The following RAD51B variants were observed in gnomAD, a reference collection of about 807,000 sequenced individuals.
RAD51B encodes the protein DNA repair protein RAD51 homolog 2.
RAD51B carries 38 observed loss-of-function variants against 42.2 expected under a neutral mutation model. That is an observed-to-expected ratio of 0.90 (90% confidence interval 0.70 to 1.18). RAD51B has a LOEUF of 1.18. Ranked by LOEUF, RAD51B falls within the 50% of genes most tolerant of loss-of-function variation. The pLI is 0.00. For missense variants in RAD51B, 373 were observed against 400.7 expected, an observed-to-expected ratio of 0.93 and a Z score of 0.59; for synonymous variants, 154 against 145.2, an observed-to-expected ratio of 1.06 and a Z score of -0.43.
At chr14:68,461,744 G>A (rs910840498) in intron 9 of RAD51B, among the ~76,000 whole-genome samples, 1 of 152,296 alleles carries the variant, frequency 6.6e-6, no homozygotes, top group South Asian at 2.1e-4. Context: ...CCTCACTTTA[G>A]GGGTAGAGAT....
chr14:68,681,216 G>T (rs1025887832), intron 11 of RAD51B, among the ~76,000 whole-genome samples: 1 of 152,108 alleles, frequency 6.6e-6, no homozygotes, highest in African/African-American at 2.4e-5. Flanking sequence ...GGCATTATTC[G>T]ATTTTTGAAT....
At chr14:68,211,024 A>G (rs2079694286) in intron 7 of RAD51B, among the ~76,000 whole-genome samples, 1 of 152,202 alleles carries the variant, frequency 6.6e-6, no homozygotes, top group Admixed American at 6.5e-5. Context: ...CAGGTTGTCA[A>G]GCTTCACTTA....
intron 10 of RAD51B, among the ~76,000 whole-genome samples, chr14:68,476,210 C>A (rs113955596): frequency 2.0e-5 from 3 of 152,240 alleles, no homozygotes; most frequent in African/African-American, 7.2e-5. Context: ...AGTAGGATGA[C>A]TGAGGTAGGT....
Position 68,191,756 on chromosome 14 carries a change from G to T in RAD51B, c.757-100128G>T, listed in dbSNP as rs35590923. On this transcript the variant is annotated intron_variant, in intron 7 of 10. Coordinates refer to ENST00000471583, the MANE Select transcript of RAD51B (RefSeq NM_133510.4). ...TTTCCTTAAGAGAGTTCTGCCCTCA[G>T]TAGAGGGCAGAGAAAGAATATGTGT... Among the ~76,000 whole-genome samples, 1,139 of 152,270 alleles carry T rather than the reference G, an allele frequency of 7.5e-3. 15 individuals are homozygous for T. The highest frequency in any genetic ancestry group is 0.027 in the African/African-American group (1,105 of 41,556).
chr14:68,658,710 G>C (rs1183597150), intron 11 of RAD51B, among the ~76,000 whole-genome samples: 2 of 152,140 alleles, frequency 1.3e-5, no homozygotes, highest in Non-Finnish European at 2.9e-5. Context: ...CACCCCACCA[G>C]ATCATCATCA....
At chr14:68,646,354 C>T (rs543009562) in intron 10 of RAD51B, among the ~76,000 whole-genome samples, 1 of 152,232 alleles carries the variant, frequency 6.6e-6, no homozygotes, top group East Asian at 1.9e-4. Flanking sequence ...TGAAACTGAC[C>T]TTTCATTCCA....
intron 10 of RAD51B, among the ~76,000 whole-genome samples, chr14:68,474,802 C>T (rs141360343): frequency 1.1e-4 from 17 of 152,356 alleles, no homozygotes; most frequent in South Asian, 2.1e-4. Flanking sequence ...AATCCTTCAA[C>T]GAAGTCCCTG....
intron 5 of RAD51B, among the ~76,000 whole-genome samples, chr14:67,868,778 C>T (rs2042417519): frequency 6.6e-6 from 1 of 152,296 alleles, no homozygotes; most frequent in African/African-American, 2.4e-5. Flanking sequence ...GTCCCTGACC[C>T]CTGACCCCCG....
At chr14:68,639,442 C>T (rs1249185031) in intron 10 of RAD51B, among the ~76,000 whole-genome samples, 1 of 152,196 alleles carries the variant, frequency 6.6e-6, no homozygotes, top group East Asian at 1.9e-4. Flanking sequence ...CCTGGCCCCT[C>T]CTGCATGCAA....
At chr14:68,215,505 G>T (rs958968301) in intron 7 of RAD51B, among the ~76,000 whole-genome samples, 28 of 152,202 alleles carry the variant, frequency 1.8e-4, no homozygotes, top group African/African-American at 5.8e-4. Context: ...CCTTATAATA[G>T]TTCCGGGAGT....
intron 10 of RAD51B, among the ~76,000 whole-genome samples, chr14:68,556,846 T>C (rs1594970375): frequency 1.3e-5 from 2 of 152,260 alleles, no homozygotes; most frequent in Middle Eastern, 3.4e-3. Context: ...TGCATACCCT[T>C]CCTGCCTTGT....
At chr14:68,487,439 C>T (rs1036337324) in intron 10 of RAD51B, among the ~76,000 whole-genome samples, 2 of 151,958 alleles carry the variant, frequency 1.3e-5, no homozygotes, top group Non-Finnish European at 2.9e-5. Context: ...ATATTTATGA[C>T]CTTGTTTAAC....
intron 10 of RAD51B, among the ~76,000 whole-genome samples, chr14:68,648,106 C>CATGTAT (rs1892613071): frequency 1.2e-5 from 1 of 80,094 alleles, no homozygotes; most frequent in South Asian, 4.5e-4. Context: ...TATATATATA[C>CATGTAT]ACACACGTAT....
intron 7 of RAD51B, among the ~76,000 whole-genome samples, chr14:67,985,421 G>T (rs1159631603): frequency 6.6e-6 from 1 of 152,142 alleles, no homozygotes; most frequent in African/African-American, 2.4e-5. Flanking sequence ...AATTGATCAA[G>T]TTCAATATAC....
Position 67,866,397 on chromosome 14 carries a change from C to T in RAD51B, c.452+1258C>T, listed in dbSNP as rs574610190. Among the ~76,000 whole-genome samples, 20 of 152,266 alleles carry T rather than the reference C, an allele frequency of 1.3e-4. No homozygotes were observed. The South Asian group carries it at 3.9e-3, about 30-fold the overall frequency. ...ACTCTTTAAAATGCCAATGACTAGC[C>T]TTCGACTAACAAGCCAAGTAGGTAT... On this transcript the variant is annotated intron_variant, in intron 5 of 10. Transcript: ENST00000471583.
chr14:68,160,574 C>T (rs1379019582), intron 7 of RAD51B, among the ~76,000 whole-genome samples: 1 of 152,176 alleles, frequency 6.6e-6, no homozygotes, highest in Non-Finnish European at 1.5e-5. Context: ...CTGATATTTT[C>T]TTCACTATGG....
intron 7 of RAD51B, among the ~76,000 whole-genome samples, chr14:68,246,320 T>C (rs988155250): frequency 6.6e-6 from 1 of 151,966 alleles, no homozygotes; most frequent in African/African-American, 2.4e-5. Context: ...AAAAATCTTT[T>C]TGACAAAAAA....
At position 68,387,379 on chromosome 14, in the gene RAD51B, T is replaced by C. The variant is rs893362470; in HGVS notation, c.854-24045T>C. Among the ~76,000 whole-genome samples the C allele has an allele frequency of 5.3e-5, 8 of 152,236 alleles. 1 individual carries two copies. Among genetic ancestry groups the C allele is most frequent in the Admixed American group, 4.6e-4 (7 of 15,290 alleles). ...TTGGTTCATTTGTTCTCAAAAGGGA[T>C]GTACAAATCGATTGCACAACCTACA... On this transcript the variant is annotated intron_variant, in intron 8 of 10. Transcript: ENST00000471583.
At chr14:68,507,092 T>C (rs1163278445) in intron 10 of RAD51B, among the ~76,000 whole-genome samples, 1 of 151,048 alleles carries the variant, frequency 6.6e-6, no homozygotes, top group African/African-American at 2.4e-5. Flanking sequence ...GGGGAGGGAG[T>C]GTGGGCATCA....
Sources: allele counts gnomAD v4.1 joint callset (sites outside exome capture counted in the v4.1 genomes callset), GRCh38; gene constraint gnomAD v4.1.1; transcripts MANE v1.5; gene names NCBI Gene and HGNC (gene_info 2026-07-23, HGNC 2026-07-21).